Variants in ANKHD1 observed in about 807,000 individuals in gnomAD.
The protein encoded by ANKHD1 is ankyrin repeat and KH domain-containing protein 1.
ANKHD1 carries 31 observed loss-of-function variants against 230.5 expected under a neutral mutation model. The observed-to-expected ratio is 0.13, with a 90% CI of 0.10 to 0.18. The LOEUF is 0.18. ANKHD1 is among the 10% of genes least tolerant of loss of function. The probability of loss-of-function intolerance (pLI) is 1.00; values close to 1 mark genes in which losing one functional copy is unlikely to be tolerated. For missense variants in ANKHD1, 2,256 were observed against 3,071.3 expected (o/e 0.73, Z 6.27); for synonymous variants, 1,074 against 1,117.6 (o/e 0.96, Z 0.78).
At chr5:140,420,163 T>C (rs1771858712) in intron 1 of ANKHD1, among the ~76,000 whole-genome samples, 1 of 150,964 alleles carries the variant, frequency 6.6e-6, no homozygotes, top group South Asian at 2.1e-4. Flanking sequence ...CAGCTAATTT[T>C]ACTGTTTGTA....
chr5:140,532,731 T>A, intron 29 of ANKHD1: 1 of 353,508 alleles, frequency 2.8e-6, no homozygotes, highest in Non-Finnish European at 5.6e-6. Flanking sequence ...GTTTGTGAAT[T>A]AAATCTCAGT....
intron 7 of ANKHD1, among the ~76,000 whole-genome samples, chr5:140,457,520 A>G (rs1775294395): frequency 6.6e-6 from 1 of 152,218 alleles, no homozygotes; most frequent in South Asian, 2.1e-4. Context: ...AATACTATGC[A>G]GCCATAAAAA....
At chr5:140,420,372 T>C (rs891004277) in intron 1 of ANKHD1, among the ~76,000 whole-genome samples, 1 of 152,178 alleles carries the variant, frequency 6.6e-6, no homozygotes, top group Non-Finnish European at 1.5e-5. Context: ...GCTTGTGCTC[T>C]TGTTGTCATG....
At chr5:140,490,240 T>C (rs1751710448) in intron 14 of ANKHD1, among the ~76,000 whole-genome samples, 1 of 152,210 alleles carries the variant, frequency 6.6e-6, no homozygotes, top group African/African-American at 2.4e-5. Context: ...CGATCATCTT[T>C]TCAGGTTCTT....
Position 140,507,430 on chromosome 5 carries a change from C to T in ANKHD1, c.3552-355C>T, listed in dbSNP as rs1752587805. Reference sequence around the variant, plus strand: ...TCAAGCGATTCTTATGCCTCAGCCTCCCAGGTAGCTGGGATTACAGGCATG... The same window carrying T: ...TCAAGCGATTCTTATGCCTCAGCCTTCCAGGTAGCTGGGATTACAGGCATG... On this transcript the variant is annotated intron_variant, in intron 19 of 33. Transcript: ENST00000360839. The surrounding 1 kb of genome is among the most constrained non-coding windows in gnomAD (Gnocchi z 4.1). 2.0e-5 allele frequency among the ~76,000 whole-genome samples: 3 copies of T among 152,354 alleles called. No individual in the cohort carries two copies. The highest frequency in any genetic ancestry group is 2.1e-4 in the South Asian group (1 of 4,828).
intron 5 of ANKHD1, among the ~76,000 whole-genome samples, chr5:140,444,458 C>T (rs1226468778): frequency 6.6e-6 from 1 of 152,174 alleles, no homozygotes; most frequent in Non-Finnish European, 1.5e-5. Flanking sequence ...TCCTTCTGTA[C>T]TCCAAAGCAG....
intron 10 of ANKHD1, among the ~76,000 whole-genome samples, chr5:140,482,355 TG>T: frequency 6.6e-6 from 1 of 152,186 alleles, no homozygotes; most frequent in Middle Eastern, 3.2e-3. Context: ...TTATCTTTAA[TG>T]GTTATTACTT....
Position 140,401,868 on chromosome 5 carries a change from A to G in ANKHD1, c.-100A>G, listed in dbSNP as rs1769969046. ...TAGTGGCGCTGCTGGGACGGGGGAA[A>G]GGAGACGCTTCTTCCTCTTGCTGCT... On this transcript the variant is annotated 5_prime_UTR_variant, in exon 1 of 34. Transcript: ENST00000360839. The G allele has an allele frequency of 8.3e-6, 12 of 1,439,792 alleles. No homozygotes were observed. The East Asian group carries it at 2.8e-4, about 34-fold the overall frequency. The allele number at this position is 1,439,792 out of a possible 1,614,324, so 89.2% of individuals were successfully genotyped here. A position where few individuals can be genotyped will look rare whatever the true frequency, so the allele number is the denominator to read the frequency against.
chr5:140,525,016 G>A, intron 25 of ANKHD1: 2 of 220,542 alleles, frequency 9.1e-6, no homozygotes, highest in Non-Finnish European at 1.9e-5. Flanking sequence ...CTACTCAGGA[G>A]GCTGAGGCAG....
At position 140,505,208 on chromosome 5, in the gene ANKHD1, C is replaced by G; in HGVS notation, c.3237C>G (p.Ala1079=). 6.2e-7 allele frequency: 1 copy of G among 1,613,746 alleles called. No homozygotes were observed. Among genetic ancestry groups the G allele is most frequent in the South Asian group, 1.1e-5 (1 of 91,070 alleles). Residue 1079 remains alanine (A), a synonymous_variant, in exon 17 of 34, where the codon GCC becomes GCG. Transcript: ENST00000360839. ...TATCTGTGCTCATTGCACGGGATGCCAAAATTGAACACAGAGACAAAAAAG... is the reference window on the plus strand; with the variant it reads ...TATCTGTGCTCATTGCACGGGATGCGAAAATTGAACACAGAGACAAAAAAG... ...ELVSVLIARD[A]KIEHRDKKGF... is the part of the protein sequence containing the mutation.
At chr5:140,499,374 T>C (rs1752174866) in intron 15 of ANKHD1, among the ~76,000 whole-genome samples, 1 of 152,102 alleles carries the variant, frequency 6.6e-6, no homozygotes. Flanking sequence ...AAATATATAA[T>C]TAATTTTACT....
chr5:140,413,402 G>A (rs1771096411), intron 1 of ANKHD1, among the ~76,000 whole-genome samples: 1 of 152,142 alleles, frequency 6.6e-6, no homozygotes, highest in Non-Finnish European at 1.5e-5. Flanking sequence ...GTGGCATTAA[G>A]TGTATTTACA....
intron 29 of ANKHD1, among the ~76,000 whole-genome samples, chr5:140,530,610 T>C (rs1184105717): frequency 1.3e-5 from 2 of 152,250 alleles, no homozygotes; most frequent in Admixed American, 6.5e-5. Context: ...AATTATAAAT[T>C]AGCTGCCGAG....
chr5:140,436,920 C>T (rs542685513), intron 2 of ANKHD1, among the ~76,000 whole-genome samples: 4 of 152,188 alleles, frequency 2.6e-5, no homozygotes, highest in Admixed American at 2.0e-4. Flanking sequence ...CTATGTTTAA[C>T]TTGATTTTAA....
At position 140,528,888 on chromosome 5, in the gene ANKHD1, G is replaced by A. The variant is rs1390551803; in HGVS notation, c.5942G>A (p.Ser1981Asn). ...PPATVISSVTSTCSSLPSVSS... is the reference protein window; with the variant it reads ...PPATVISSVTNTCSSLPSVSS... ...GCAACAGTGATTTCTTCTGTGACAA[G>A]CACTTGTAGTTCCCTGCCTTCTGTC... Residue 1981 changes from serine (S) to asparagine (N), a missense_variant, in exon 29 of 34, where the codon AGC (serine) becomes AAC (asparagine). Physicochemically the swap from Ser to Asn is conservative, Grantham distance 46 (BLOSUM62 1). Around this residue, in one of 13 missense-constraint regions of ANKHD1, gnomAD observed 778 missense variants for 966.5 expected, o/e 0.80. Transcript: ENST00000360839. 11 of 1,614,024 alleles carry A rather than the reference G, an allele frequency of 6.8e-6. No individual in the cohort carries two copies. Among genetic ancestry groups the A allele is most frequent in the Admixed American group, 1.7e-5 (1 of 60,008 alleles).
chr5:140,537,083 C>A, intron 30 of ANKHD1: 1 of 191,100 alleles, frequency 5.2e-6, no homozygotes, highest in Non-Finnish European at 1.0e-5. Flanking sequence ...AGAATAAAAA[C>A]AAATGTGGCC....
Position 140,528,165 on chromosome 5 carries a change from GT to G in ANKHD1, c.5238-8del, listed in dbSNP as rs749024435. 7.1e-3 allele frequency: 7,492 copies of G among 1,058,798 alleles called. No homozygotes were observed. The highest frequency in any genetic ancestry group is 0.021 in the South Asian group (1,063 of 50,170). 65.6% of individuals were successfully genotyped at this position (1,058,798 alleles called of 1,614,324 possible). On this transcript the variant is annotated intron_variant, in intron 28 of 33. Transcript: ENST00000360839. The stretch of plus-strand genomic sequence containing the variant: ...TTTTAATGTTTTTGGTCTTGTTTCT[GT>G]TTTTTTTTTTCCCTTAGGGGTGGCA...
At chr5:140,492,134 T>C (rs1203562730) in intron 14 of ANKHD1, among the ~76,000 whole-genome samples, 1 of 152,214 alleles carries the variant, frequency 6.6e-6, no homozygotes, top group Non-Finnish European at 1.5e-5. Flanking sequence ...TAAAATTATA[T>C]AGAAAAATTG....
intron 1 of ANKHD1, among the ~76,000 whole-genome samples, chr5:140,415,806 A>G (rs900718844): frequency 5.3e-5 from 8 of 151,768 alleles, no homozygotes; most frequent in African/African-American, 1.7e-4. Flanking sequence ...ATTTTATTAT[A>G]CTTTAAGTTC....
Sources: allele counts gnomAD v4.1 joint callset (sites outside exome capture counted in the v4.1 genomes callset), GRCh38; gene constraint gnomAD v4.1.1; regional missense constraint gnomAD v4.1.1; non-coding constraint Gnocchi (gnomAD v3.1); transcripts MANE v1.5; gene names NCBI Gene and HGNC (gene_info 2026-07-23, HGNC 2026-07-21).